The following KIF7 variants were observed in gnomAD, a reference collection of about 807,000 sequenced individuals.
The protein encoded by KIF7 is kinesin-like protein KIF7.
A neutral mutation model predicts 135.7 loss-of-function variants in KIF7; 104 were observed. That is an observed-to-expected ratio of 0.77 (90% CI 0.65 to 0.90). The LOEUF (loss-of-function observed/expected upper bound fraction) is 0.90. KIF7 is among the 40% of genes least tolerant of loss of function. The pLI is 0.00. For synonymous variants in KIF7, 883 were observed against 809.4 expected, an observed-to-expected ratio of 1.09 and a Z score of -1.54; for missense variants, 2,005 against 1,839.1, an observed-to-expected ratio of 1.09 and a Z score of -1.65.
chr15:89,622,764 C>CCAGG (rs776768411), intron 1 of KIF7, among the ~76,000 whole-genome samples: 7 of 152,208 alleles, frequency 4.6e-5, no homozygotes, highest in Non-Finnish European at 1.0e-4. Context: ...CTTTTCACTT[C>CCAGG]CAGGCCTTTG....
upstream of KIF7, among the ~76,000 whole-genome samples, chr15:89,656,775 G>C (rs149199838): frequency 6.6e-6 from 1 of 152,304 alleles, no homozygotes; most frequent in East Asian, 1.9e-4. Context: ...CAATTGGAAA[G>C]AGCACATGAA....
chr15:89,647,742 C>A (rs1218944452), intron 5 of KIF7, 30 bp from the exon 6 acceptor site: 2 of 1,501,226 alleles, frequency 1.3e-6, no homozygotes, highest in African/African-American at 1.4e-5. Flanking sequence ...GCTTCAGGGG[C>A]GGGGGTTGAC....
chr15:89,632,368 C>T (rs772365488), intron 14 of KIF7, among the ~76,000 whole-genome samples: 20 of 152,176 alleles, frequency 1.3e-4, no homozygotes, highest in African/African-American at 3.4e-4. Flanking sequence ...TGATGCCAGG[C>T]GGAGAAGTCT....
intron 1 of KIF7, 45 bp from the exon 2 acceptor site, chr15:89,652,999 A>C: frequency 1.4e-6 from 2 of 1,398,172 alleles, no homozygotes; most frequent in Non-Finnish European, 1.9e-6. Flanking sequence ...CTTGTACTCC[A>C]GGAGCTGGAC....
chr15:89,631,023 C>A, intron 15 of KIF7: 1 of 223,214 alleles, frequency 4.5e-6, no homozygotes, highest in African/African-American at 2.3e-5. Context: ...ATAGAAAACG[C>A]ACAGTAAAAA....
rs975042469 is a variant in KIF7, at chr15:89,647,532, A to C, written c.1560+64T>G. The stretch of plus-strand genomic sequence containing the variant: ...AACTCCCTCCCATCCTGAGAAACTC[A>C]GCTCTGCCTTCCCTTCATCCTCCTC... On this transcript the variant is annotated intron_variant, in intron 6 of 18. Coordinates refer to ENST00000394412, the MANE Select transcript of KIF7 (RefSeq NM_198525.3). The C allele has an allele frequency of 7.7e-6, 11 of 1,419,916 alleles. No homozygotes were observed. The African/African-American group carries it at 1.4e-4, about 18-fold the overall frequency. 88.0% of individuals were successfully genotyped at this position (1,419,916 alleles called of 1,614,324 possible).
At chr15:89,652,334 GCTGAGGTC>G (rs1964136712) in intron 2 of KIF7, among the ~76,000 whole-genome samples, 1 of 152,152 alleles carries the variant, frequency 6.6e-6, no homozygotes, top group East Asian at 1.9e-4. Context: ...CCCTTCCTCT[GCTGAGGTC>G]CCCAGAGCCA....
chr15:89,662,973 G>A, the KIF7 span, among the ~76,000 whole-genome samples: 29 of 152,238 alleles, frequency 1.9e-4, no homozygotes, highest in South Asian at 4.1e-4. Flanking sequence ...TCCAGCACCC[G>A]TGCTCAGGCC....
chr15:89,627,421 C>T (rs764949088), downstream of KIF7: 2 of 285,300 alleles, frequency 7.0e-6, no homozygotes, highest in Admixed American at 4.7e-5. Context: ...CTCATTTATG[C>T]AAATGGAGAA....
downstream of KIF7, chr15:89,626,919 T>G (rs777633667): frequency 6.2e-7 from 1 of 1,604,712 alleles, no homozygotes; most frequent in East Asian, 2.2e-5. Context: ...CGGTCCTCTG[T>G]GACTCCTGCA....
At position 89,642,255 on chromosome 15, in the gene KIF7, G is replaced by A. The variant is rs1156356003; in HGVS notation, c.2342C>T (p.Ser781Phe). The change falls in exon 11 of 19, where the codon TCT becomes TTT. Residue 781 changes from serine to phenylalanine, a missense_variant. Physicochemically the swap from Ser to Phe is radical, Grantham distance 155. Coordinates refer to ENST00000394412, the MANE Select transcript of KIF7 (RefSeq NM_198525.3). ...CCTCCTGCGGAACTCCTGGAGCCGA[G>A]ACCGCTCGCCAGCATCCTGGAGCTC... is the stretch of plus-strand genomic sequence containing the variant. ...GKELQDAGER[S>F]RLQEFRRRVA... The A allele has an allele frequency of 3.1e-6, 5 of 1,610,384 alleles. No individual in the cohort carries two copies. Among genetic ancestry groups the A allele is most frequent in the Non-Finnish European group, 1.7e-6 (2 of 1,179,738 alleles).
rs1253774672 is a variant in KIF7, at chr15:89,648,595, G to T, written c.1103C>A (p.Thr368Lys). The T allele has an allele frequency of 6.5e-7, 1 of 1,526,802 alleles. No homozygotes were observed. The highest frequency in any genetic ancestry group is 1.2e-5 in the South Asian group (1 of 83,846). 94.6% of individuals were successfully genotyped at this position (1,526,802 alleles called of 1,614,324 possible). ...TGGCGGACCCCGCGCGCCGCTCGCC[G>T]TCTCTTCGGGTGGCCGCTCGGCCTC... ...RPEAERPPEE[T>K]ASGARGPPRH... The change falls in exon 5 of 19, where the codon ACG becomes AAG. Residue 368 changes from threonine (T) to lysine (K), a missense_variant. Transcript: ENST00000394412.
rs1247429462 is a variant in KIF7 at position 89,646,979 on chromosome 15, C to A, written c.1639G>T (p.Gly547Cys). Residue 547 changes from glycine (G) to cysteine (C), a missense_variant, in exon 7 of 19, where the codon GGC (glycine) becomes TGC (cysteine). Physicochemically the swap from Gly to Cys is radical, Grantham distance 159. Transcript: ENST00000394412. ...RLELVRPGWG[G>C]PRLLNGLPPG... is the part of the protein sequence containing the mutation. ...GGCAGGCCATTCAGGAGCCGCGGGC[C>A]CCCCCAGCCTGGCCGCACCAGCTCT... The A allele has an allele frequency of 6.2e-7, 1 of 1,613,204 alleles. No homozygotes were observed. The highest frequency in any genetic ancestry group is 1.3e-5 in the African/African-American group (1 of 74,924).
chr15:89,644,372 C>T (rs902262427), intron 10 of KIF7, among the ~76,000 whole-genome samples: 3 of 152,060 alleles, frequency 2.0e-5, no homozygotes, highest in Non-Finnish European at 2.9e-5. Flanking sequence ...ACATTGCAGG[C>T]ACTCGATAAG....
In KIF7 at chr15:89,618,116, G is replaced by C. The variant is rs753911090; in HGVS notation, c.261C>G (p.Thr87=). The C allele has an allele frequency of 1.3e-5, 20 of 1,595,490 alleles. 1 individual carries two copies. Among genetic ancestry groups the C allele is most frequent in the Middle Eastern group, 3.3e-4 (2 of 6,054 alleles). The change falls in exon 2 of 3, where the codon ACC becomes ACG. Residue 87 remains threonine, a synonymous_variant and NMD_transcript_variant. Transcript: ENST00000558928. ...TCCTTAATAAGTGTTAATTACAAGT[G>C]GTATGGAGTAATCCTTGTGCATGTG...
the KIF7 span, among the ~76,000 whole-genome samples, chr15:89,660,751 T>C: frequency 6.6e-6 from 1 of 152,242 alleles, no homozygotes; most frequent in Non-Finnish European, 1.5e-5. Flanking sequence ...TCTACTTCCC[T>C]GTCCCATTGA....
rs766019419 is a variant in KIF7 at position 89,647,650 on chromosome 15, C to T, written c.1506G>A (p.Glu502=). The change falls in exon 6 of 19, where the codon GAG becomes GAA. Residue 502 remains glutamate (E), a synonymous_variant. Transcript: ENST00000394412. The part of the protein sequence containing the change: ...LQNQVARLEE[E]NRDFLAALED... ...CCAGCGCAGCCAGAAAGTCTCGGTT[C>T]TCCTCCTCCAGCCGCGCCACCTGGT... 5.6e-6 allele frequency: 9 copies of T among 1,611,606 alleles called. No homozygotes were observed. The highest frequency in any genetic ancestry group is 4.5e-5 in the East Asian group (2 of 44,866).
At chr15:89,627,267 G>A (rs1248440703), downstream of KIF7, 21 of 704,942 alleles carry the variant, frequency 3.0e-5, no homozygotes, top group Non-Finnish European at 6.8e-6. Flanking sequence ...CCTGCCCCTT[G>A]TTGGGGAAGT....
chr15:89,655,725 C>A (rs1567071080), upstream of KIF7, among the ~76,000 whole-genome samples: 1 of 152,194 alleles, frequency 6.6e-6, no homozygotes, highest in Non-Finnish European at 1.5e-5. Flanking sequence ...CACCTTCATC[C>A]CCGGTCTCTG....
Sources: allele counts gnomAD v4.1 joint callset (sites outside exome capture counted in the v4.1 genomes callset), GRCh38; gene constraint gnomAD v4.1.1; transcripts MANE v1.5; gene names NCBI Gene and HGNC (gene_info 2026-07-23, HGNC 2026-07-21).